HERC2: variants seen among roughly 807,000 people sequenced by gnomAD.
HERC2 encodes the protein HECT and RLD domain containing E3 ubiquitin protein ligase 2.
HERC2 carries 102 observed loss-of-function variants against 537.7 expected under a neutral mutation model. The observed-to-expected ratio is 0.19, with a 90% CI of 0.16 to 0.22. The LOEUF (loss-of-function observed/expected upper bound fraction) is 0.22. HERC2 is among the 10% of genes least tolerant of loss of function. HERC2 has a pLI of 1.00. For missense variants in HERC2, 4,236 were observed against 6,198.2 expected, an observed-to-expected ratio of 0.68 and a Z score of 10.63; for synonymous variants, 2,224 against 2,466.2, an observed-to-expected ratio of 0.90 and a Z score of 2.91.
At chr15:28,181,735 G>A (rs1004535409) in intron 57 of HERC2, among the ~76,000 whole-genome samples, 1 of 152,176 alleles carries the variant, frequency 6.6e-6, no homozygotes, top group Admixed American at 6.5e-5. Context: ...TTCAAAATAT[G>A]GTCTTTTTCT....
In HERC2 at chr15:28,211,003, T is replaced by G; in HGVS notation, c.7068A>C (p.Thr2356=). The change falls in exon 44 of 93, where the codon ACA becomes ACC. Residue 2356 remains threonine, a splice_region_variant and synonymous_variant. Transcript: ENST00000261609. ...TTTAAGAACTTTTTAAAAAGACACCTGTGTGAACAGTTCCAGTCTCCTGAA... is the reference window on the plus strand; with the variant it reads ...TTTAAGAACTTTTTAAAAAGACACCGGTGTGAACAGTTCCAGTCTCCTGAA... The part of the protein sequence containing the change: ...PAVQETGTVH[T]DDGAVVSPDL... 2 of 1,409,722 alleles carry G rather than the reference T, an allele frequency of 1.4e-6. No individual in the cohort carries two copies. The highest frequency in any genetic ancestry group is 2.0e-6 in the Non-Finnish European group (2 of 995,590). The allele number at this position is 1,409,722 out of a possible 1,614,324, so 87.3% of individuals were successfully genotyped here.
chr15:28,194,736 C>A (rs1238634199), intron 52 of HERC2, among the ~76,000 whole-genome samples: 1 of 152,074 alleles, frequency 6.6e-6, no homozygotes, highest in African/African-American at 2.4e-5. Context: ...TTCTATAGTT[C>A]TGTTAGATAT....
chr15:28,260,063 G>A (rs2075376869), intron 16 of HERC2, among the ~76,000 whole-genome samples: 2 of 151,206 alleles, frequency 1.3e-5, no homozygotes, highest in Admixed American at 1.3e-4. Context: ...AAATCAGGCT[G>A]GTGCAGTGCC....
chr15:28,272,762 G>A (rs1411977848), intron 8 of HERC2, 132 bp downstream of exon 8: 23 of 619,150 alleles, frequency 3.7e-5, no homozygotes, highest in Non-Finnish European at 5.9e-5. Flanking sequence ...AGAGAGCCCT[G>A]GGACATGGTT....
At chr15:28,123,341 T>C (rs1889130429) in intron 85 of HERC2, among the ~76,000 whole-genome samples, 2 of 152,202 alleles carry the variant, frequency 1.3e-5, no homozygotes, top group Admixed American at 6.5e-5. Flanking sequence ...TCAGGATTAG[T>C]GGTCCTCAAT....
rs1387324212 is a variant in HERC2 at position 28,117,331 on chromosome 15, T to C, written c.13273-177A>G. On this transcript the variant is annotated intron_variant, in intron 86 of 92. Transcript: ENST00000261609. ...CCCTGCCGTCTGGGGCGCTCGACTGTGGACACCCGAGACCGCTGCCTCACC... is the reference window on the plus strand; with the variant it reads ...CCCTGCCGTCTGGGGCGCTCGACTGCGGACACCCGAGACCGCTGCCTCACC... 4.1e-6 allele frequency: 3 copies of C among 728,554 alleles called. No individual in the cohort carries two copies. The African/African-American group carries it at 5.2e-5, about 13-fold the overall frequency. The allele number at this position is 728,554 out of a possible 1,614,324, so 45.1% of individuals were successfully genotyped here.
At chr15:28,208,416 T>C (rs1898722124) in intron 44 of HERC2, among the ~76,000 whole-genome samples, 1 of 152,046 alleles carries the variant, frequency 6.6e-6, no homozygotes, top group Non-Finnish European at 1.5e-5. Context: ...TTCTTTCCCT[T>C]TTCATGCCTT....
At chr15:28,155,604 G>A (rs1892920570) in intron 69 of HERC2, among the ~76,000 whole-genome samples, 2 of 148,454 alleles carry the variant, frequency 1.3e-5, no homozygotes, top group South Asian at 4.1e-4. Flanking sequence ...CCCACTTGTT[G>A]ATGGGGTTGT....
rs1894296633 is a variant in HERC2 at position 28,167,785 on chromosome 15, G to C, written c.10456C>G (p.Pro3486Ala). The C allele has an allele frequency of 6.2e-7, 1 of 1,614,194 alleles. No homozygotes were observed. The highest frequency in any genetic ancestry group is 2.2e-5 in the East Asian group (1 of 44,882). ...EDAVTPSAVT[P>A]SAPSASARPF... ...CGAGCGGAGGCTGAGGGGGCCGACG[G>C]AGTCACTGCAGAGGGGGTCACTGCG... Residue 3486 changes from proline (P) to alanine (A), a missense_variant, in exon 68 of 93, where the codon CCG becomes GCG. This residue lies in a region of HERC2 where 356 missense variants were observed against 450.9 expected (regional missense o/e 0.79). Transcript: ENST00000261609.
intron 5 of HERC2, among the ~76,000 whole-genome samples, chr15:28,279,185 G>A (rs1336506101): frequency 6.6e-6 from 1 of 151,862 alleles, no homozygotes; most frequent in Non-Finnish European, 1.5e-5. Flanking sequence ...TAGAGATGGG[G>A]TTTCTCCATG....
intron 3 of HERC2, among the ~76,000 whole-genome samples, chr15:28,298,799 C>G (rs1052506671): frequency 4.0e-5 from 6 of 151,326 alleles, no homozygotes; most frequent in Non-Finnish European, 5.9e-5. Context: ...CCTTCCCCCC[C>G]AAAAAAAAGA....
chr15:28,308,002 C>A (rs2076838741), intron 2 of HERC2, among the ~76,000 whole-genome samples: 1 of 150,950 alleles, frequency 6.6e-6, no homozygotes, highest in South Asian at 2.1e-4. Flanking sequence ...CAGTTTGTTT[C>A]TTTTCAATTA....
At chr15:28,274,477 C>T in intron 6 of HERC2, 30 bp from the exon 7 acceptor site, 3 of 1,574,792 alleles carry the variant, frequency 1.9e-6, no homozygotes, top group Non-Finnish European at 2.6e-6. Flanking sequence ...AGAGGAGCCC[C>T]CCCACTCCCC....
chr15:28,153,513 T>C (rs1359901595), intron 69 of HERC2, among the ~76,000 whole-genome samples: 1 of 151,954 alleles, frequency 6.6e-6, no homozygotes, highest in Non-Finnish European at 1.5e-5. Flanking sequence ...TAGCTGGGTA[T>C]GGTGGCCCGT....
chr15:28,263,817 A>G (rs908468109), intron 14 of HERC2, among the ~76,000 whole-genome samples: 3 of 152,084 alleles, frequency 2.0e-5, no homozygotes, highest in African/African-American at 7.2e-5. Context: ...GGATCACTTG[A>G]GCCCAGGAGT....
chr15:28,270,625 G>C, intron 10 of HERC2, 70 bp downstream of exon 10: 1 of 1,470,336 alleles, frequency 6.8e-7, no homozygotes, highest in Non-Finnish European at 9.3e-7. Flanking sequence ...CTCCACACGG[G>C]CCCAGGATGA....
At position 28,141,835 on chromosome 15, in the gene HERC2, T is replaced by C. The variant is rs150131561; in HGVS notation, c.11712A>G (p.Lys3904=). The C allele has an allele frequency of 6.2e-7, 1 of 1,613,308 alleles. No individual in the cohort carries two copies. The highest frequency in any genetic ancestry group is 8.5e-7 in the Non-Finnish European group (1 of 1,179,468). ...CGCTGTCTGCCATTAATTCACGAAT[T>C]TTCTTAGCCACCTAAACAAAATTAT... is the stretch of plus-strand genomic sequence containing the variant. ...PRLFLDEVAK[K]IRELMADSEN... The change falls in exon 77 of 93, where the codon AAA becomes AAG. Residue 3904 remains lysine (K), a synonymous_variant. Coordinates refer to ENST00000261609, the MANE Select transcript of HERC2 (RefSeq NM_004667.6).
intron 68 of HERC2, 104 bp downstream of exon 68, chr15:28,167,583 A>C (rs749340405): frequency 1.5e-5 from 21 of 1,378,238 alleles, no homozygotes; most frequent in Non-Finnish European, 2.1e-5. Flanking sequence ...GCCGAGGTGA[A>C]TGGGATAGGA....
At chr15:28,297,359 G>GA (rs1474488314) in intron 3 of HERC2, among the ~76,000 whole-genome samples, 3 of 147,426 alleles carry the variant, frequency 2.0e-5, no homozygotes, top group East Asian at 2.0e-4. Context: ...TCTCTGGAAA[G>GA]AAAAAAAATC....
Sources: gnomAD v4.1 joint callset for allele counts (sites outside exome capture counted in the v4.1 genomes callset) on GRCh38, gnomAD v4.1.1 for gene constraint, gnomAD v4.1.1 regional missense constraint, MANE v1.5 for transcripts, NCBI Gene and HGNC (gene_info 2026-07-23, HGNC 2026-07-21) for gene names.